Variants in TPGS2 observed in about 807,000 individuals in gnomAD.
TPGS2 encodes tubulin polyglutamylase complex subunit 2, also known as polyglutamylase subunit 2.
In TPGS2, 26 loss-of-function variants were observed where a neutral mutation model predicts 31.1. That is an observed-to-expected ratio of 0.84 (90% CI 0.61 to 1.16). The LOEUF (loss-of-function observed/expected upper bound fraction) is 1.16, where lower values mean the gene tolerates loss of function less well. Among genes scored for constraint, TPGS2 ranks in the 50% most tolerant of loss-of-function variants. TPGS2 has a pLI of 0.00. For missense variants in TPGS2, 351 were observed against 363.8 expected, an observed-to-expected ratio of 0.96 and a Z score of 0.29; for synonymous variants, 130 against 136.6, an observed-to-expected ratio of 0.95 and a Z score of 0.34.
At chr18:36,783,057 C>T (rs1344377818) in exon 7 of TPGS2, 2 of 398,408 alleles carry the variant, frequency 5.0e-6, no homozygotes, top group Non-Finnish European at 8.8e-6. Flanking sequence ...ACCTTCTGCT[C>T]CGGATTCCTG....
At chr18:36,782,402 C>T (rs974707709), downstream of TPGS2, among the ~76,000 whole-genome samples, 2 of 152,166 alleles carry the variant, frequency 1.3e-5, no homozygotes, top group African/African-American at 4.8e-5. Flanking sequence ...ATCTACACAT[C>T]GGACTCACCT....
At chr18:36,787,527 C>T (rs551994428) in intron 6 of TPGS2, among the ~76,000 whole-genome samples, 3 of 152,230 alleles carry the variant, frequency 2.0e-5, no homozygotes, top group Admixed American at 6.5e-5. Flanking sequence ...TTTTTTAAAT[C>T]GCAATTTTCA....
intron 1 of TPGS2, 126 bp from the exon 2 acceptor site, chr18:36,819,099 A>G: frequency 2.7e-6 from 2 of 735,906 alleles, no homozygotes; most frequent in Non-Finnish European, 2.2e-6. Context: ...AACACTTATT[A>G]CCCCTGTAAT....
At chr18:36,785,977 G>A (rs2044116175) in intron 6 of TPGS2, among the ~76,000 whole-genome samples, 1 of 152,138 alleles carries the variant, frequency 6.6e-6, no homozygotes, top group Admixed American at 6.5e-5. Flanking sequence ...ATTTATGAAG[G>A]TGGTCCTAAC....
At chr18:36,817,149 G>C (rs1389938707) in intron 2 of TPGS2, among the ~76,000 whole-genome samples, 1 of 152,184 alleles carries the variant, frequency 6.6e-6, no homozygotes, top group Admixed American at 6.5e-5. Flanking sequence ...AATGGAGGTG[G>C]GGGCTGAGTG....
downstream of TPGS2, among the ~76,000 whole-genome samples, chr18:36,792,597 CATT>C (rs1209067133): frequency 6.6e-6 from 1 of 152,190 alleles, no homozygotes; most frequent in Non-Finnish European, 1.5e-5. Context: ...TGGTGAGCAT[CATT>C]GTCACCACTT....
chr18:36,823,916 C>T, intron 1 of TPGS2: 5 of 958,944 alleles, frequency 5.2e-6, no homozygotes, highest in Non-Finnish European at 6.2e-6. Flanking sequence ...GTTTAGAATT[C>T]CTTTTTAAAA....
chr18:36,822,763 T>C (rs1033904733), intron 1 of TPGS2, among the ~76,000 whole-genome samples: 1 of 152,090 alleles, frequency 6.6e-6, no homozygotes, highest in African/African-American at 2.4e-5. Flanking sequence ...CTGGACTAAT[T>C]AAAAAATTTT....
At chr18:36,806,526 A>G (rs1436018805) in intron 3 of TPGS2, among the ~76,000 whole-genome samples, 1 of 152,114 alleles carries the variant, frequency 6.6e-6, no homozygotes, top group Non-Finnish European at 1.5e-5. Flanking sequence ...CTAAGATAAA[A>G]GCTAATGTTC....
intron 2 of TPGS2, among the ~76,000 whole-genome samples, chr18:36,817,248 G>A (rs1338648947): frequency 2.6e-5 from 4 of 152,156 alleles, no homozygotes; most frequent in African/African-American, 7.2e-5. Context: ...TCAGCCCAGG[G>A]AGGGGAGTCA....
chr18:36,818,715 G>C (rs17567550), intron 2 of TPGS2, 179 bp downstream of exon 2: 71,180 of 532,976 alleles, frequency 0.13, 5,751 homozygotes, highest in Admixed American at 0.17. Context: ...TGCTGGGTAA[G>C]TGGCATAGAA....
downstream of TPGS2, among the ~76,000 whole-genome samples, chr18:36,781,120 AAC>A (rs1393408138): frequency 6.6e-6 from 1 of 152,142 alleles, no homozygotes; most frequent in Non-Finnish European, 1.5e-5. Flanking sequence ...GCAGGTCATC[AAC>A]AGCTGAGATC....
chr18:36,802,416 G>A (rs1023979413), intron 4 of TPGS2, among the ~76,000 whole-genome samples: 1 of 151,936 alleles, frequency 6.6e-6, no homozygotes, highest in African/African-American at 2.4e-5. Flanking sequence ...AGAGTACAGA[G>A]TATTACCTGC....
rs2044450901 is a variant in TPGS2, at chr18:36,794,844, C to T, written c.*1961G>A. On this transcript the variant is annotated 3_prime_UTR_variant, in exon 7 of 7. Transcript: ENST00000334295. ...ATGTTATGGTTAAAACACACACACA[C>T]ACACACACACACACACACACACACA... 1.5e-6 allele frequency: 1 copy of T among 652,076 alleles called. No individual in the cohort carries two copies. The highest frequency in any genetic ancestry group is 6.8e-5 in the South Asian group (1 of 14,686). 40.4% of individuals were successfully genotyped at this position (652,076 alleles called of 1,614,324 possible). A position where few individuals can be genotyped will look rare whatever the true frequency, so the allele number is the denominator to read the frequency against.
intron 2 of TPGS2, among the ~76,000 whole-genome samples, chr18:36,808,811 G>C (rs905999347): frequency 1.3e-5 from 2 of 152,090 alleles, no homozygotes; most frequent in African/African-American, 4.8e-5. Context: ...ATCCCTTCAG[G>C]AGATACCAGG....
At chr18:36,816,899 G>A (rs370290558) in intron 2 of TPGS2, among the ~76,000 whole-genome samples, 3 of 152,304 alleles carry the variant, frequency 2.0e-5, no homozygotes, top group Admixed American at 1.3e-4. Flanking sequence ...GAGCCACCAC[G>A]CCAGCCTGGC....
chr18:36,802,874 C>G (rs73433602), intron 4 of TPGS2, among the ~76,000 whole-genome samples: 9 of 151,956 alleles, frequency 5.9e-5, no homozygotes, highest in African/African-American at 2.2e-4. Flanking sequence ...GATTCGCCCC[C>G]CTCGGCCTCC....
chr18:36,822,224 GGGAAGA>G (rs1340428088), intron 1 of TPGS2, among the ~76,000 whole-genome samples: 1 of 152,174 alleles, frequency 6.6e-6, no homozygotes, highest in Non-Finnish European at 1.5e-5. Context: ...AGGCTTTCCG[GGGAAGA>G]AACACTGCAA....
chr18:36,781,381 C>T (rs113460883), downstream of TPGS2, among the ~76,000 whole-genome samples: 187 of 152,276 alleles, frequency 1.2e-3, no homozygotes, highest in African/African-American at 4.3e-3. Context: ...AGGCCGGGTG[C>T]GGTGGCTGAC....
Sources: allele counts gnomAD v4.1 joint callset (sites outside exome capture counted in the v4.1 genomes callset), GRCh38; gene constraint gnomAD v4.1.1; transcripts MANE v1.5; gene names NCBI Gene and HGNC (gene_info 2026-07-23, HGNC 2026-07-21).